MYOCOS: variants seen among roughly 807,000 people sequenced by gnomAD.
The protein encoded by MYOCOS is myocilin opposite strand protein.
upstream of MYOCOS, among the ~76,000 whole-genome samples, chr1:171,622,009 G>A (rs1652585851): frequency 6.6e-6 from 1 of 152,104 alleles, no homozygotes; most frequent in Admixed American, 6.6e-5. Flanking sequence ...ACTTGCCCGA[G>A]ATCACTCAGA....
Position 171,614,642 on chromosome 1 carries a change from C to T in MYOCOS, c.-251-156C>T, listed in dbSNP as rs539176108. ...GGCACTCAGCTGAGAGTCATCACCACCAACACTCCCAGCAGTGGGGGAACA... is the reference window on the plus strand; with the variant it reads ...GGCACTCAGCTGAGAGTCATCACCATCAACACTCCCAGCAGTGGGGGAACA... On this transcript the variant is annotated intron_variant, in intron 1 of 3. Coordinates refer to the MYOCOS transcript ENST00000636697. 2.0e-5 allele frequency among the ~76,000 whole-genome samples: 3 copies of T among 152,316 alleles called. No individual in the cohort carries two copies. The South Asian group carries it at 6.2e-4, about 32-fold the overall frequency.
rs577312489 is a variant in MYOCOS at position 171,624,470 on chromosome 1, G to A, written c.95+492G>A. On this transcript the variant is annotated intron_variant, in intron 2 of 2. Transcript: ENST00000637642. ...ATTATTATTATTATTATATTGAGAC[G>A]GAGTCTCTCTCTGTCGCCCAGGCTG... 2.1e-4 allele frequency among the ~76,000 whole-genome samples: 28 copies of A among 131,630 alleles called. No individual in the cohort carries two copies. In the South Asian group the frequency reaches 6.7e-3, roughly 31 times the overall value. 86.4% of individuals were successfully genotyped at this position (131,630 alleles called of 152,430 possible).
chr1:171,606,903 C>T (rs918838621), intron 1 of MYOCOS, among the ~76,000 whole-genome samples: 2 of 151,968 alleles, frequency 1.3e-5, no homozygotes, highest in Non-Finnish European at 2.9e-5. Flanking sequence ...ACCAGCCTGA[C>T]CAAGAGGGTG....
upstream of MYOCOS, among the ~76,000 whole-genome samples, chr1:171,618,227 G>A (rs535042430): frequency 6.4e-4 from 98 of 152,308 alleles, no homozygotes; most frequent in Non-Finnish European, 1.1e-3. Context: ...ACCTGGGTTG[G>A]CACTCAACCA....
chr1:171,602,480 TTAGC>T (rs1241131995), intron 1 of MYOCOS, among the ~76,000 whole-genome samples: 6 of 152,188 alleles, frequency 3.9e-5, no homozygotes, highest in Non-Finnish European at 7.3e-5. Context: ...TGTAAACATA[TTAGC>T]TAAAGTTAAA....
At chr1:171,621,665 G>T (rs1230508846), upstream of MYOCOS, among the ~76,000 whole-genome samples, 4 of 152,014 alleles carry the variant, frequency 2.6e-5, no homozygotes, top group Non-Finnish European at 4.4e-5. Flanking sequence ...ATGAGCCACC[G>T]CGCCTGGCCT....
Position 171,624,435 on chromosome 1 carries a change from A to AATTATTATTATTATTATTATTATT in MYOCOS, c.95+460_95+483dup, listed in dbSNP as rs72026900. ...CAGCCATGTGCCACCACGTCTGGTT[A>AATTATTATTATTATTATTATTATT]ATTATTATTATTATTATTATTATTA... is the stretch of plus-strand genomic sequence containing the variant. On this transcript the variant is annotated intron_variant, in intron 2 of 2. Coordinates refer to ENST00000637642, the MANE Select transcript of MYOCOS (RefSeq NM_001391940.1). Among the ~76,000 whole-genome samples, 108 of 147,176 alleles carry AATTATTATTATTATTATTATTATT rather than the reference A, an allele frequency of 7.3e-4. 1 individual carries two copies. The highest frequency in any genetic ancestry group is 2.6e-3 in the African/African-American group (103 of 39,286).
chr1:171,612,289 G>A (rs774012278), intron 1 of MYOCOS, among the ~76,000 whole-genome samples: 14 of 151,484 alleles, frequency 9.2e-5, no homozygotes, highest in African/African-American at 2.7e-4. Context: ...ATGTTGGCCC[G>A]GCTGGTCTCG....
intron 1 of MYOCOS, among the ~76,000 whole-genome samples, chr1:171,605,300 C>A (rs953559416): frequency 1.3e-5 from 2 of 149,496 alleles, no homozygotes; most frequent in African/African-American, 4.9e-5. Flanking sequence ...TATTACATAG[C>A]TAGAAAAAGG....
intron 1 of MYOCOS, among the ~76,000 whole-genome samples, chr1:171,612,321 C>G (rs985269728): frequency 1.3e-5 from 2 of 151,288 alleles, no homozygotes; most frequent in African/African-American, 2.4e-5. Context: ...TCAGATGATC[C>G]AACTGCCTAG....
At chr1:171,626,026 C>A (rs1005011509) in intron 2 of MYOCOS, among the ~76,000 whole-genome samples, 2 of 149,722 alleles carry the variant, frequency 1.3e-5, no homozygotes, top group African/African-American at 2.4e-5. Flanking sequence ...GAAAGATGTC[C>A]TCTGAAATGT....
chr1:171,618,661 C>T (rs1200675972), upstream of MYOCOS, among the ~76,000 whole-genome samples: 3 of 152,120 alleles, frequency 2.0e-5, no homozygotes, highest in Non-Finnish European at 4.4e-5. Context: ...CTGCAACCTC[C>T]GCCTCCTGGG....
At chr1:171,615,951 C>T (rs2102936339) in intron 2 of MYOCOS, among the ~76,000 whole-genome samples, 1 of 151,958 alleles carries the variant, frequency 6.6e-6, no homozygotes, top group East Asian at 1.9e-4. Context: ...GGCACAGTAG[C>T]TCATGCCTGT....
intron 1 of MYOCOS, chr1:171,601,109 G>C (rs1175388277): frequency 1.3e-5 from 2 of 152,380 alleles, no homozygotes; most frequent in Non-Finnish European, 2.9e-5. Flanking sequence ...GGAACGCCTC[G>C]CCAGAGCAGT....
intron 2 of MYOCOS, among the ~76,000 whole-genome samples, chr1:171,617,057 GAGAA>G (rs1005157952): frequency 2.9e-4 from 44 of 152,194 alleles, no homozygotes; most frequent in African/African-American, 1.0e-3. Flanking sequence ...TGCCCAGAGA[GAGAA>G]AGAGTTAAGC....
At chr1:171,617,186 A>G (rs1455641018) in intron 2 of MYOCOS, among the ~76,000 whole-genome samples, 4 of 152,146 alleles carry the variant, frequency 2.6e-5, no homozygotes, top group Non-Finnish European at 4.4e-5. Context: ...CTGCTGCTGA[A>G]TAAAATCATC....
chr1:171,615,830 C>T (rs2102936261), intron 2 of MYOCOS, among the ~76,000 whole-genome samples: 1 of 152,330 alleles, frequency 6.6e-6, no homozygotes, highest in East Asian at 1.9e-4. Context: ...CTTGCCGATG[C>T]TCCCAGCTGA....
At chr1:171,607,071 G>A (rs1652258114) in intron 1 of MYOCOS, among the ~76,000 whole-genome samples, 1 of 141,870 alleles carries the variant, frequency 7.0e-6, no homozygotes, top group Admixed American at 7.5e-5. Context: ...TCCAGCCTGG[G>A]CAAGAGAGTG....
intron 1 of MYOCOS, among the ~76,000 whole-genome samples, chr1:171,602,299 AGTACT>A (rs1652159140): frequency 6.6e-6 from 1 of 152,196 alleles, no homozygotes; most frequent in Admixed American, 6.5e-5. Context: ...AGGCCTCCTG[AGTACT>A]GTTTAAAAAA....
Sources: gnomAD v4.1 joint callset for allele counts (sites outside exome capture counted in the v4.1 genomes callset) on GRCh38, gnomAD v4.1.1 for gene constraint, MANE v1.5 for transcripts, NCBI Gene and HGNC (gene_info 2026-07-23, HGNC 2026-07-21) for gene names.